The following EFHB variants were observed in gnomAD, a reference collection of about 807,000 sequenced individuals.
EFHB encodes the protein EF-hand domain family member B.
Under a neutral mutation model 87.2 loss-of-function variants are expected in EFHB, and 91 were observed. That is an observed-to-expected ratio of 1.04 (90% CI 0.88 to 1.24). The LOEUF is 1.24. Ranked by LOEUF, EFHB falls within the 50% of genes most tolerant of loss-of-function variation. EFHB has a pLI of 0.00. For missense variants in EFHB, 1,084 were observed against 998.8 expected (o/e 1.09, Z -1.15); for synonymous variants, 325 against 333.6 (o/e 0.97, Z 0.28).
chr3:19,894,780 A>G (rs1176999893), intron 9 of EFHB: 1 of 152,148 alleles, frequency 6.6e-6, no homozygotes, highest in Middle Eastern at 3.4e-3. Flanking sequence ...TGAGGTCAGG[A>G]GTTCAAGACC....
At chr3:19,927,993 A>T (rs1411091226) in intron 1 of EFHB, among the ~76,000 whole-genome samples, 1 of 149,900 alleles carries the variant, frequency 6.7e-6, no homozygotes, top group African/African-American at 2.4e-5. Context: ...CTAATACTAT[A>T]CATAACATAT....
At chr3:19,900,032 CA>C (rs1405288138) in intron 6 of EFHB, among the ~76,000 whole-genome samples, 1 of 152,228 alleles carries the variant, frequency 6.6e-6, no homozygotes, top group African/African-American at 2.4e-5. Context: ...GAGATGACGT[CA>C]CTGTACTCCA....
At chr3:19,932,491 G>T (rs1695861685) in intron 1 of EFHB, among the ~76,000 whole-genome samples, 1 of 152,090 alleles carries the variant, frequency 6.6e-6, no homozygotes, top group Non-Finnish European at 1.5e-5. Context: ...GGAAGCTTTG[G>T]TTGTGCTCTA....
intron 8 of EFHB, 46 bp from the exon 9 acceptor site, chr3:19,896,887 T>A (rs1428700570): frequency 6.7e-7 from 1 of 1,482,038 alleles, no homozygotes; most frequent in Non-Finnish European, 9.0e-7. Flanking sequence ...AAAGTCTTTC[T>A]ATATTATTTC....
At chr3:19,939,151 C>T (rs1315668022), upstream of EFHB, among the ~76,000 whole-genome samples, 1 of 144,386 alleles carries the variant, frequency 6.9e-6, no homozygotes, top group East Asian at 2.1e-4. Flanking sequence ...AGGTGATCCA[C>T]CTGCCTTGGC....
intron 11 of EFHB, among the ~76,000 whole-genome samples, chr3:19,882,941 A>AAT (rs2071717805): frequency 6.6e-6 from 1 of 152,174 alleles, no homozygotes; most frequent in Non-Finnish European, 1.5e-5. Context: ...TAATATTTTG[A>AAT]ATATATATCG....
chr3:19,922,061 A>ATT (rs1695455547), intron 1 of EFHB, among the ~76,000 whole-genome samples: 2 of 152,154 alleles, frequency 1.3e-5, no homozygotes, highest in South Asian at 4.1e-4. Flanking sequence ...GCTACTCGGG[A>ATT]AGCTGAGGCA....
chr3:19,888,771 A>G, intron 9 of EFHB, 120 bp from the exon 10 acceptor site: 2 of 852,584 alleles, frequency 2.3e-6, no homozygotes, highest in Admixed American at 5.4e-5. Flanking sequence ...ATTTGTCTCA[A>G]TTTTCACAGA....
intron 5 of EFHB, among the ~76,000 whole-genome samples, chr3:19,908,485 A>T (rs533650135): frequency 2.6e-5 from 4 of 151,744 alleles, no homozygotes; most frequent in Non-Finnish European, 5.9e-5. Flanking sequence ...GTGAGCCGAG[A>T]TCAGGCCACT....
Position 19,933,711 on chromosome 3 carries a change from G to A in EFHB, c.308C>T (p.Ser103Phe), listed in dbSNP as rs1695918084. 2 of 1,613,834 alleles carry A rather than the reference G, an allele frequency of 1.2e-6. No homozygotes were observed. Among genetic ancestry groups the A allele is most frequent in the African/African-American group, 1.3e-5 (1 of 75,040 alleles). Residue 103 changes from serine (S) to phenylalanine (F), a missense_variant, in exon 1 of 13, where the codon TCT becomes TTT. Ser to Phe is a radical substitution (Grantham distance 155). Transcript: ENST00000295824. Reference sequence around the variant, plus strand: ...TAACCCCATTCTTCCTGGCAACAGAGAAGGTTTTGTTCCCTGTGAAGCTGA... The same window carrying A: ...TAACCCCATTCTTCCTGGCAACAGAAAAGGTTTTGTTCCCTGTGAAGCTGA... ...SVSASQGTKP[S>F]LLPGRMGLEN...
Position 19,896,739 on chromosome 3 carries a change from A to T in EFHB, c.1673T>A (p.Val558Asp). ...IAAVRHHLKK[V>D]NYQKFDTLLA... ...CAAAGTGTCAAACTTTTGGTAATTA[A>T]CTTTCTTCAGGTGATGCCGAACTGC... Residue 558 changes from valine to aspartate, a missense_variant, in exon 9 of 13, where the codon GTT becomes GAT. Coordinates refer to ENST00000295824, the MANE Select transcript of EFHB (RefSeq NM_144715.4). 1 of 1,614,008 alleles carries T rather than the reference A, an allele frequency of 6.2e-7. No individual in the cohort carries two copies. The highest frequency in any genetic ancestry group is 8.5e-7 in the Non-Finnish European group (1 of 1,179,890).
chr3:19,911,495 T>G (rs1695061347), intron 5 of EFHB, among the ~76,000 whole-genome samples: 1 of 151,820 alleles, frequency 6.6e-6, no homozygotes, highest in African/African-American at 2.4e-5. Flanking sequence ...GAGGCAGAGG[T>G]TGCAGTGAGC....
At chr3:19,932,869 G>A (rs1695875651) in intron 1 of EFHB, among the ~76,000 whole-genome samples, 1 of 152,002 alleles carries the variant, frequency 6.6e-6, no homozygotes, top group African/African-American at 2.4e-5. Flanking sequence ...AACAATGAAT[G>A]GAAAAAGAAA....
At chr3:19,923,987 T>C (rs1244984233) in intron 1 of EFHB, among the ~76,000 whole-genome samples, 2 of 152,156 alleles carry the variant, frequency 1.3e-5, no homozygotes, top group South Asian at 4.1e-4. Context: ...ATCCCAGCAC[T>C]TTGGGAGGCT....
intron 8 of EFHB, among the ~76,000 whole-genome samples, chr3:19,898,490 G>A (rs915771125): frequency 1.3e-5 from 2 of 152,046 alleles, no homozygotes; most frequent in African/African-American, 4.8e-5. Flanking sequence ...ACTTCACTTT[G>A]GCTTGTTTAA....
intron 5 of EFHB, among the ~76,000 whole-genome samples, chr3:19,914,186 G>A (rs1219850158): frequency 6.6e-6 from 1 of 152,138 alleles, no homozygotes; most frequent in Non-Finnish European, 1.5e-5. Context: ...GGGCTCAAGT[G>A]ATCCGGCGCT....
intron 1 of EFHB, among the ~76,000 whole-genome samples, chr3:19,926,443 A>T (rs1224177181): frequency 6.6e-6 from 1 of 152,060 alleles, no homozygotes; most frequent in Non-Finnish European, 1.5e-5. Context: ...GGCTCACTGC[A>T]AGCTCCACCT....
At position 19,933,267 on chromosome 3, in the gene EFHB, G is replaced by A. The variant is rs1695891706; in HGVS notation, c.752C>T (p.Ser251Phe). The A allele has an allele frequency of 6.8e-6, 11 of 1,613,864 alleles. No homozygotes were observed. The highest frequency in any genetic ancestry group is 1.3e-5 in the African/African-American group (1 of 75,044). ...EPPDRIRPIY[S>F]GKFFDRTPCW... is the part of the protein sequence containing the mutation. ...AGGGGTCCGATCAAAAAACTTCCCAGAGTATATGGGTCTGATGCGATCTGG... is the reference window on the plus strand; with the variant it reads ...AGGGGTCCGATCAAAAAACTTCCCAAAGTATATGGGTCTGATGCGATCTGG... The change falls in exon 1 of 13, where the codon TCT (serine) becomes TTT (phenylalanine). Residue 251 changes from serine (S) to phenylalanine (F), a missense_variant. Physicochemically the swap from Ser to Phe is radical, Grantham distance 155 (BLOSUM62 -2). Coordinates refer to ENST00000295824, the MANE Select transcript of EFHB (RefSeq NM_144715.4).
chr3:19,933,043 A>T (rs762453204), intron 1 of EFHB, among the ~76,000 whole-genome samples, 187 bp downstream of exon 1: 3 of 152,222 alleles, frequency 2.0e-5, no homozygotes, highest in Non-Finnish European at 4.4e-5. Context: ...ACATCTAGGA[A>T]GGGAGGCAGA....
Sources: gnomAD v4.1 joint callset for allele counts (sites outside exome capture counted in the v4.1 genomes callset) on GRCh38, gnomAD v4.1.1 for gene constraint, MANE v1.5 for transcripts, NCBI Gene and HGNC (gene_info 2026-07-23, HGNC 2026-07-21) for gene names.